DNER: variants seen among roughly 807,000 people sequenced by gnomAD.
The protein encoded by DNER is delta/notch like EGF repeat containing, also known as delta and Notch-like epidermal growth factor-related receptor.
Under a neutral mutation model 78.2 loss-of-function variants are expected in DNER, and 33 were observed. The ratio of observed to expected loss-of-function variants is 0.42; its 90% CI spans 0.32 to 0.56. The LOEUF is 0.56. Among genes scored for constraint, DNER ranks in the 20% least tolerant of loss-of-function variants. DNER has a pLI of 0.11. For synonymous variants in DNER, 417 were observed against 384.8 expected (o/e 1.08, Z -0.98); for missense variants, 918 against 975.3 (o/e 0.94, Z 0.78).
intron 9 of DNER, among the ~76,000 whole-genome samples, chr2:229,413,335 T>C (rs1356505087): frequency 7.1e-6 from 1 of 140,000 alleles, no homozygotes; most frequent in East Asian, 2.0e-4. Context: ...TTTTTTTTTT[T>C]TTTTTTTGAC....
At chr2:229,660,249 A>AT (rs1698986992) in intron 1 of DNER, among the ~76,000 whole-genome samples, 1 of 151,930 alleles carries the variant, frequency 6.6e-6, no homozygotes, top group Non-Finnish European at 1.5e-5. Context: ...CCCATTAGTT[A>AT]TTTTTCCTGA....
intron 4 of DNER, among the ~76,000 whole-genome samples, chr2:229,552,930 G>T (rs1559164826): frequency 6.6e-6 from 1 of 152,104 alleles, no homozygotes; most frequent in African/African-American, 2.4e-5. Flanking sequence ...ATTATCCCGG[G>T]CTTGCGACAA....
intron 5 of DNER, among the ~76,000 whole-genome samples, chr2:229,528,095 T>C (rs2154212749): frequency 6.6e-6 from 1 of 152,334 alleles, no homozygotes; most frequent in East Asian, 1.9e-4. Flanking sequence ...ACAATTATCC[T>C]GCAAGATTAG....
chr2:229,584,624 G>A (rs965970731), intron 4 of DNER, among the ~76,000 whole-genome samples: 6 of 152,086 alleles, frequency 3.9e-5, no homozygotes, highest in African/African-American at 1.2e-4. Context: ...TCTTTCTGGC[G>A]GCCATTTCTA....
At chr2:229,644,896 G>A (rs957694796) in intron 1 of DNER, among the ~76,000 whole-genome samples, 2 of 152,048 alleles carry the variant, frequency 1.3e-5, no homozygotes, top group African/African-American at 2.4e-5. Flanking sequence ...ATGAGTAATC[G>A]GTAACTGTTG....
At chr2:229,381,702 C>T (rs1016332422) in intron 11 of DNER, among the ~76,000 whole-genome samples, 5 of 152,210 alleles carry the variant, frequency 3.3e-5, no homozygotes, top group Non-Finnish European at 5.9e-5. Context: ...CACTGCAAAG[C>T]CACTATAACC....
intron 5 of DNER, among the ~76,000 whole-genome samples, chr2:229,543,046 T>C (rs191437360): frequency 2.4e-4 from 37 of 152,040 alleles, no homozygotes; most frequent in African/African-American, 8.9e-4. Context: ...TAGAAACACC[T>C]GAGGTGGAAC....
intron 4 of DNER, among the ~76,000 whole-genome samples, chr2:229,553,289 T>G (rs1003485747): frequency 6.6e-6 from 1 of 152,172 alleles, no homozygotes; most frequent in African/African-American, 2.4e-5. Context: ...ATCTCTGGGT[T>G]GTACTTGTGT....
chr2:229,385,037 T>C (rs533251243), intron 11 of DNER, among the ~76,000 whole-genome samples: 69 of 147,816 alleles, frequency 4.7e-4, no homozygotes, highest in African/African-American at 1.7e-3. Context: ...CCGAATCCAG[T>C]AGCACATCAA....
At chr2:229,388,563 A>T (rs1175003194) in intron 10 of DNER, among the ~76,000 whole-genome samples, 167 bp from the exon 11 acceptor site, 1 of 133,118 alleles carries the variant, frequency 7.5e-6, no homozygotes, top group Admixed American at 7.7e-5. Context: ...CAGACGAGGG[A>T]TCTTTTACTT....
chr2:229,674,784 T>C (rs935712692), intron 1 of DNER, among the ~76,000 whole-genome samples: 1 of 152,144 alleles, frequency 6.6e-6, no homozygotes, highest in Non-Finnish European at 1.5e-5. Flanking sequence ...CTCCACCCTC[T>C]CTGTTGAACT....
chr2:229,441,535 T>C (rs1694234796), intron 8 of DNER, among the ~76,000 whole-genome samples: 1 of 152,166 alleles, frequency 6.6e-6, no homozygotes, highest in African/African-American at 2.4e-5. Context: ...GAGTGAATGC[T>C]GGATGCTGTC....
intron 5 of DNER, among the ~76,000 whole-genome samples, chr2:229,539,340 T>A (rs1030211495): frequency 6.6e-6 from 1 of 152,220 alleles, no homozygotes; most frequent in African/African-American, 2.4e-5. Flanking sequence ...TCACTGATGC[T>A]TTCAAACCAA....
intron 1 of DNER, among the ~76,000 whole-genome samples, chr2:229,703,420 A>C (rs1574575492): frequency 6.6e-6 from 1 of 152,342 alleles, no homozygotes; most frequent in East Asian, 1.9e-4. Flanking sequence ...AAAGACCTTC[A>C]TGTCAAACCT....
intron 9 of DNER, among the ~76,000 whole-genome samples, chr2:229,412,147 A>G (rs1325034243): frequency 1.3e-5 from 2 of 152,228 alleles, no homozygotes; most frequent in Non-Finnish European, 2.9e-5. Flanking sequence ...TGAGGTATGA[A>G]CACTTAACAA....
intron 1 of DNER, among the ~76,000 whole-genome samples, chr2:229,608,150 A>G (rs1048372374): frequency 1.3e-5 from 2 of 152,202 alleles, no homozygotes; most frequent in Non-Finnish European, 2.9e-5. Context: ...ATCTACACAC[A>G]CAATGAATTC....
chr2:229,566,899 T>A lies in DNER; in HGVS notation c.847+18959A>T, dbSNP rs181076796. On this transcript the variant is annotated intron_variant, in intron 4 of 12. Transcript: ENST00000341772. ...GGATCCTACACCAGGATAAATGTGTTTTTCAACCTTCCCTTCAATGCCTCC... is the reference window on the plus strand; with the variant it reads ...GGATCCTACACCAGGATAAATGTGTATTTCAACCTTCCCTTCAATGCCTCC... 1.2e-3 allele frequency among the ~76,000 whole-genome samples: 178 copies of A among 152,240 alleles called. 1 individual carries two copies. The South Asian group carries it at 0.012, about 10-fold the overall frequency.
chr2:229,530,946 G>A (rs535568139), intron 5 of DNER, among the ~76,000 whole-genome samples: 7 of 152,284 alleles, frequency 4.6e-5, no homozygotes, highest in African/African-American at 1.7e-4. Context: ...AAACCCATAC[G>A]AGCATTCATG....
intron 11 of DNER, among the ~76,000 whole-genome samples, chr2:229,369,252 A>C (rs940154979): frequency 2.6e-5 from 4 of 151,808 alleles, no homozygotes; most frequent in Non-Finnish European, 5.9e-5. Context: ...AAGTTTAAAA[A>C]AAAAGTTTTA....
Sources: allele counts gnomAD v4.1 joint callset (sites outside exome capture counted in the v4.1 genomes callset), GRCh38; gene constraint gnomAD v4.1.1; transcripts MANE v1.5; gene names NCBI Gene and HGNC (gene_info 2026-07-23, HGNC 2026-07-21).